Variants in CALN1 observed in about 807,000 individuals in gnomAD.
CALN1 encodes calneuron 1.
A neutral mutation model predicts 30.6 loss-of-function variants in CALN1; 17 were observed. That is an observed-to-expected ratio of 0.56 (90% CI 0.38 to 0.83). CALN1 has a LOEUF of 0.83. CALN1 is among the 40% of genes least tolerant of loss of function. CALN1 has a pLI of 0.00. For synonymous variants in CALN1, 156 were observed against 131.4 expected (o/e 1.19, Z -1.28); for missense variants, 291 against 354.9 (o/e 0.82, Z 1.45).
At chr7:72,233,624 CAGG>C (rs1231004519) in intron 3 of CALN1, among the ~76,000 whole-genome samples, 2 of 152,034 alleles carry the variant, frequency 1.3e-5, no homozygotes, top group African/African-American at 2.4e-5. Context: ...AGGGCTGAGG[CAGG>C]AGGATTGTTT....
Position 72,083,928 on chromosome 7 carries a change from G to A in CALN1, c.388+22223C>T, listed in dbSNP as rs546078272. On this transcript the variant is annotated intron_variant, in intron 4 of 6. Transcript: ENST00000395275. ...GGGAAAGACATACTACATAACAATCGCTGGGTGTGGTGGCTCACGCCTGTA... is the reference window on the plus strand; with the variant it reads ...GGGAAAGACATACTACATAACAATCACTGGGTGTGGTGGCTCACGCCTGTA... Among the ~76,000 whole-genome samples, 5 of 152,152 alleles carry A rather than the reference G, an allele frequency of 3.3e-5. No homozygotes were observed. The South Asian group carries it at 8.3e-4, about 25-fold the overall frequency.
intron 2 of CALN1, among the ~76,000 whole-genome samples, chr7:72,318,318 T>C (rs901578889): frequency 4.3e-5 from 3 of 70,484 alleles, no homozygotes; most frequent in South Asian, 1.3e-3. Context: ...ACTTTCATTC[T>C]TCTCCTACTA....
In CALN1 at chr7:71,847,882, G is replaced by A. The variant is rs549359587; in HGVS notation, c.502-37390C>T. 2.5e-4 allele frequency among the ~76,000 whole-genome samples: 37 copies of A among 148,872 alleles called. No homozygotes were observed. In the South Asian group the frequency reaches 7.1e-3, roughly 28 times the overall value. On this transcript the variant is annotated intron_variant, in intron 5 of 6. Coordinates refer to ENST00000395275, the MANE Select transcript of CALN1 (RefSeq NM_031468.4). The stretch of plus-strand genomic sequence containing the variant: ...AGAGGAAAGTTTTCCCTTTTTGCTC[G>A]GCTCTCTCATTCTGTCTTGCCACCA...
intron 2 of CALN1, among the ~76,000 whole-genome samples, chr7:72,352,993 A>T (rs1445314949): frequency 6.6e-6 from 1 of 152,170 alleles, no homozygotes; most frequent in East Asian, 1.9e-4. Context: ...ATTTAAACAA[A>T]AGAGAAAAAT....
chr7:72,385,085 A>C (rs1197901524), intron 2 of CALN1, among the ~76,000 whole-genome samples: 1 of 152,254 alleles, frequency 6.6e-6, no homozygotes, highest in Non-Finnish European at 1.5e-5. Context: ...TAGAGAATTG[A>C]AAATTAAAAC....
rs191991825 is a variant in CALN1 at position 72,062,630 on chromosome 7, T to C, written c.389-38861A>G. Among the ~76,000 whole-genome samples the C allele has an allele frequency of 6.2e-3, 938 of 152,120 alleles. 7 individuals carry two copies. The highest frequency in any genetic ancestry group is 0.022 in the African/African-American group (902 of 41,494). On this transcript the variant is annotated intron_variant, in intron 4 of 6. Coordinates refer to ENST00000395275, the MANE Select transcript of CALN1 (RefSeq NM_031468.4). ...ATAAGATTATTCTTACCCTGTTTGG[T>C]TCTTTAAAAATGTTCTATGGTTGAA...
At chr7:72,343,674 G>A (rs1441723517) in intron 2 of CALN1, among the ~76,000 whole-genome samples, 1 of 152,160 alleles carries the variant, frequency 6.6e-6, no homozygotes, top group African/African-American at 2.4e-5. Flanking sequence ...TATGAGAAAA[G>A]GTAAGCAGAG....
At chr7:72,005,475 C>T (rs1799722758) in intron 5 of CALN1, among the ~76,000 whole-genome samples, 1 of 151,974 alleles carries the variant, frequency 6.6e-6, no homozygotes, top group African/African-American at 2.4e-5. Flanking sequence ...ACTACAGGCA[C>T]ACACCACCAT....
At chr7:72,228,961 G>C (rs567091574) in intron 3 of CALN1, among the ~76,000 whole-genome samples, 156 of 150,532 alleles carry the variant, frequency 1.0e-3, no homozygotes, top group Non-Finnish European at 1.6e-3. Context: ...TTGGTGGTGG[G>C]GGGCGGGGAT....
At chr7:72,130,803 G>T (rs1440158611) in intron 3 of CALN1, among the ~76,000 whole-genome samples, 1 of 152,156 alleles carries the variant, frequency 6.6e-6, no homozygotes, top group Non-Finnish European at 1.5e-5. Flanking sequence ...ATTAACAGTG[G>T]TTATTGCTGA....
At chr7:71,788,667 T>C (rs1394509948) in intron 6 of CALN1, among the ~76,000 whole-genome samples, 1 of 135,660 alleles carries the variant, frequency 7.4e-6, no homozygotes, top group African/African-American at 2.5e-5. Context: ...ATTATTATTA[T>C]TTTTTTTGAT....
At chr7:72,013,164 T>C (rs1800183356) in intron 5 of CALN1, among the ~76,000 whole-genome samples, 1 of 152,040 alleles carries the variant, frequency 6.6e-6, no homozygotes, top group Admixed American at 6.6e-5. Context: ...GAACTAGAAA[T>C]GCTTTAAATT....
intron 4 of CALN1, among the ~76,000 whole-genome samples, chr7:72,026,679 G>A (rs1801080062): frequency 6.6e-6 from 1 of 152,022 alleles, no homozygotes; most frequent in Non-Finnish European, 1.5e-5. Flanking sequence ...GCCTCCCAAA[G>A]TGCTGGGATT....
At chr7:71,971,267 G>A (rs936268193) in intron 5 of CALN1, among the ~76,000 whole-genome samples, 6 of 152,162 alleles carry the variant, frequency 3.9e-5, no homozygotes, top group Non-Finnish European at 8.8e-5. Flanking sequence ...TGGCCAACAT[G>A]GTGAAACCCC....
intron 5 of CALN1, among the ~76,000 whole-genome samples, chr7:71,838,486 C>T (rs563366298): frequency 1.3e-5 from 2 of 152,094 alleles, no homozygotes; most frequent in African/African-American, 4.8e-5. Flanking sequence ...GAGTGGGTGG[C>T]ACAATCATAG....
Position 72,042,773 on chromosome 7 carries a change from G to T in CALN1, c.389-19004C>A, listed in dbSNP as rs377458358. ...AAATAAGACTCCCAAAAGGAAAAAG[G>T]GTGCTTAGCATAAACCATATTGTTT... On this transcript the variant is annotated intron_variant, in intron 4 of 6. Coordinates refer to ENST00000395275, the MANE Select transcript of CALN1 (RefSeq NM_031468.4). Among the ~76,000 whole-genome samples, 12 of 152,150 alleles carry T rather than the reference G, an allele frequency of 7.9e-5. No homozygotes were observed. In the South Asian group the frequency reaches 8.3e-4, roughly 11 times the overall value.
intron 5 of CALN1, among the ~76,000 whole-genome samples, chr7:71,949,856 G>C (rs997503502): frequency 3.3e-5 from 5 of 151,672 alleles, no homozygotes; most frequent in African/African-American, 1.2e-4. Flanking sequence ...CCGCCTCCCG[G>C]GTTCACGCCA....
At chr7:72,487,262 G>C in the CALN1 span, among the ~76,000 whole-genome samples, 1 of 152,138 alleles carries the variant, frequency 6.6e-6, no homozygotes, top group African/African-American at 2.4e-5. Flanking sequence ...AACAGACAAG[G>C]TGAGTAGACC....
At chr7:72,069,582 G>A (rs1284566433) in intron 4 of CALN1, among the ~76,000 whole-genome samples, 1 of 152,056 alleles carries the variant, frequency 6.6e-6, no homozygotes, top group Non-Finnish European at 1.5e-5. Context: ...TTTTCTCTGT[G>A]TGTCAAATCT....
Sources: gnomAD v4.1 joint callset for allele counts (sites outside exome capture counted in the v4.1 genomes callset) on GRCh38, gnomAD v4.1.1 for gene constraint, MANE v1.5 for transcripts, NCBI Gene and HGNC (gene_info 2026-07-23, HGNC 2026-07-21) for gene names.